Variants in VAMP7 observed in about 807,000 individuals in gnomAD.
VAMP7 encodes vesicle associated membrane protein 7, also known as vesicle-associated membrane protein 7.
In VAMP7, 14 loss-of-function variants were observed where a neutral mutation model predicts 29.6. That is an observed-to-expected ratio of 0.47 (90% confidence interval 0.31 to 0.74). The LOEUF (loss-of-function observed/expected upper bound fraction) is 0.74, where lower values mean the gene tolerates loss of function less well. Ranked by LOEUF, VAMP7 falls within the 30% of genes least tolerant of loss-of-function variation. The pLI, the probability that VAMP7 is intolerant of heterozygous loss-of-function variation, is 0.05. For missense variants in VAMP7, 223 were observed against 262.4 expected, an observed-to-expected ratio of 0.85 and a Z score of 1.04; for synonymous variants, 95 against 88.1, an observed-to-expected ratio of 1.08 and a Z score of -0.44.
At chrX:155,936,733 T>G (rs1428461006) in intron 6 of VAMP7, among the ~76,000 whole-genome samples, 3 of 152,170 alleles carry the variant, frequency 2.0e-5, no homozygotes, top group Non-Finnish European at 2.9e-5. Context: ...ATGAAGCCGG[T>G]ATCTCAGTTG....
At chrX:155,924,479 C>T (rs1479345680) in intron 6 of VAMP7, among the ~76,000 whole-genome samples, 5 of 152,132 alleles carry the variant, frequency 3.3e-5, no homozygotes, top group Non-Finnish European at 5.9e-5. Context: ...CCCCTGGTAA[C>T]TCTAATCTAC....
chrX:155,925,522 G>T (rs2066455238), intron 6 of VAMP7, among the ~76,000 whole-genome samples: 1 of 152,176 alleles, frequency 6.6e-6, no homozygotes, highest in Non-Finnish European at 1.5e-5. Context: ...CTGACAACAT[G>T]TGCCCAAGGT....
chrX:155,920,766 G>A (rs1037206346), intron 6 of VAMP7, among the ~76,000 whole-genome samples: 1 of 152,164 alleles, frequency 6.6e-6, no homozygotes, highest in African/African-American at 2.4e-5. Context: ...ATCAGATAAT[G>A]CATGTAAAGT....
intron 5 of VAMP7, among the ~76,000 whole-genome samples, chrX:155,918,858 T>G (rs1371017339): frequency 6.6e-6 from 1 of 152,210 alleles, no homozygotes; most frequent in Non-Finnish European, 1.5e-5. Flanking sequence ...TTATTCTCTA[T>G]TCTATTGATG....
At chrX:155,911,153 T>G (rs2066231783) in intron 5 of VAMP7, among the ~76,000 whole-genome samples, 1 of 152,204 alleles carries the variant, frequency 6.6e-6, no homozygotes, top group African/African-American at 2.4e-5. Flanking sequence ...CTTCCACATA[T>G]GGATATCCAG....
chrX:155,889,458 A>G lies in VAMP7; in HGVS notation c.-9A>G. 6.2e-7 allele frequency: 1 copy of G among 1,612,698 alleles called. No individual in the cohort carries two copies. The highest frequency in any genetic ancestry group is 8.5e-7 in the Non-Finnish European group (1 of 1,179,392). Reference sequence around the variant, plus strand: ...ATCTGTGTCTTTTTCCTTTTGATAGACTGAAGCCATGGCGATTCTTTTTGC... The same window carrying G: ...ATCTGTGTCTTTTTCCTTTTGATAGGCTGAAGCCATGGCGATTCTTTTTGC... On this transcript the variant is annotated splice_region_variant and 5_prime_UTR_variant, in exon 2 of 8. Coordinates refer to ENST00000286448, the MANE Select transcript of VAMP7 (RefSeq NM_005638.6).
At chrX:155,884,532 T>G (rs2065843864) in intron 1 of VAMP7, among the ~76,000 whole-genome samples, 1 of 152,162 alleles carries the variant, frequency 6.6e-6, no homozygotes, top group Non-Finnish European at 1.5e-5. Context: ...AGTACAAGAG[T>G]GCTTGAGTCA....
rs960698961 is a variant in VAMP7 at position 155,943,117 on chromosome X, T to C, written c.*1166T>C. 2 of 148,966 alleles carry C rather than the reference T, an allele frequency of 1.3e-5. No individual in the cohort carries two copies. The highest frequency in any genetic ancestry group is 5.0e-5 in the African/African-American group (2 of 40,076). The allele number at this position is 148,966 out of a possible 1,614,324, so 9.2% of individuals were successfully genotyped here. On this transcript the variant is annotated 3_prime_UTR_variant, in exon 8 of 8. Coordinates refer to ENST00000286448, the MANE Select transcript of VAMP7 (RefSeq NM_005638.6). ...GAAAATTGGACTGTAATCATATCGC[T>C]ACTGGCATCTGTTATCTAGTATGCA... is the stretch of plus-strand genomic sequence containing the variant.
intron 6 of VAMP7, among the ~76,000 whole-genome samples, chrX:155,935,897 T>A (rs770681442): frequency 6.6e-6 from 1 of 152,296 alleles, no homozygotes; most frequent in South Asian, 2.1e-4. Context: ...GTCCTTTCTG[T>A]TTGTTAGTTT....
intron 6 of VAMP7, among the ~76,000 whole-genome samples, chrX:155,927,287 A>G (rs1388164518): frequency 1.3e-5 from 2 of 151,794 alleles, no homozygotes; most frequent in African/African-American, 2.4e-5. Context: ...GTTGATGGGT[A>G]CAGCAAACCA....
intron 2 of VAMP7, among the ~76,000 whole-genome samples, chrX:155,893,257 T>C (rs1157486138): frequency 1.3e-5 from 2 of 152,054 alleles, no homozygotes; most frequent in African/African-American, 4.8e-5. Context: ...GTATGTCCAG[T>C]TGGATATGTC....
intron 5 of VAMP7, among the ~76,000 whole-genome samples, chrX:155,902,375 G>A (rs1184734112): frequency 2.0e-5 from 3 of 150,410 alleles, no homozygotes; most frequent in African/African-American, 4.9e-5. Flanking sequence ...TCTCCTGCCT[G>A]ATTGCCCTGG....
chrX:155,915,168 C>G (rs1204398832), intron 5 of VAMP7, among the ~76,000 whole-genome samples: 1 of 152,136 alleles, frequency 6.6e-6, no homozygotes, highest in Non-Finnish European at 1.5e-5. Flanking sequence ...TTATAGTATT[C>G]TCTGATGGTA....
intron 3 of VAMP7, 108 bp downstream of exon 3, chrX:155,895,788 C>G (rs1312887183): frequency 3.5e-6 from 3 of 862,380 alleles, no homozygotes; most frequent in African/African-American, 3.3e-5. Context: ...CAGACCGGTA[C>G]AGGTCTGTGG....
intron 5 of VAMP7, among the ~76,000 whole-genome samples, chrX:155,918,075 G>A (rs1311720509): frequency 1.3e-5 from 2 of 152,060 alleles, no homozygotes; most frequent in Non-Finnish European, 2.9e-5. Flanking sequence ...GCTCTCCCCG[G>A]TTCAAACTTC....
Position 155,942,935 on chromosome X carries a change from C to G in VAMP7, c.*984C>G, listed in dbSNP as rs1463890478. The G allele has an allele frequency of 2.6e-5, 4 of 151,722 alleles. No individual in the cohort carries two copies. Among genetic ancestry groups the G allele is most frequent in the Non-Finnish European group, 5.9e-5 (4 of 67,958 alleles). The allele number at this position is 151,722 out of a possible 1,614,324, so 9.4% of individuals were successfully genotyped here. A position where few individuals can be genotyped will look rare whatever the true frequency, so the allele number is the denominator to read the frequency against. On this transcript the variant is annotated 3_prime_UTR_variant, in exon 8 of 8. Transcript: ENST00000286448. Reference sequence around the variant, plus strand: ...TCAACTCCAGGGTTTGGGCTTGATTCCTGTTGAATAATAGTTTTGAGCATT... The same window carrying G: ...TCAACTCCAGGGTTTGGGCTTGATTGCTGTTGAATAATAGTTTTGAGCATT...
intron 2 of VAMP7, 121 bp downstream of exon 2, chrX:155,889,733 G>A: frequency 8.6e-7 from 1 of 1,164,396 alleles, no homozygotes; most frequent in East Asian, 2.6e-5. Context: ...TGACAGAATA[G>A]TAACCTTCAC....
chrX:155,933,344 T>C lies in VAMP7; in HGVS notation c.502-6357T>C, dbSNP rs992929171. On this transcript the variant is annotated intron_variant, in intron 6 of 7. Coordinates refer to ENST00000286448, the MANE Select transcript of VAMP7 (RefSeq NM_005638.6). ...AATCCATCTGGTCCTGGACTTTTTT[T>C]GGTTGGTAAGCTATTAATTATTGCC... Among the ~76,000 whole-genome samples the C allele has an allele frequency of 5.9e-5, 9 of 152,326 alleles. No homozygotes were observed. In the South Asian group the frequency reaches 6.2e-4, roughly 11 times the overall value.
At position 155,898,136 on chromosome X, in the gene VAMP7, A is replaced by T; in HGVS notation, c.229A>T (p.Asn77Tyr). The change falls in exon 4 of 8, where the codon AAT becomes TAT. Residue 77 changes from asparagine to tyrosine, a missense_variant. Physicochemically the swap from Asn to Tyr is moderately radical, Grantham distance 143 (BLOSUM62 -2). Transcript: ENST00000286448. ...DDDFERSRAF[N>Y]FLNEIKKRFQ... ...GGATTTTGAACGTTCCCGAGCCTTTAATTTTCTGAATGAGATAAAGAAGAG... is the reference window on the plus strand; with the variant it reads ...GGATTTTGAACGTTCCCGAGCCTTTTATTTTCTGAATGAGATAAAGAAGAG... 1 of 1,613,408 alleles carries T rather than the reference A, an allele frequency of 6.2e-7. No homozygotes were observed. Among genetic ancestry groups the T allele is most frequent in the Non-Finnish European group, 8.5e-7 (1 of 1,179,548 alleles).
Sources: allele counts gnomAD v4.1 joint callset (sites outside exome capture counted in the v4.1 genomes callset), GRCh38; gene constraint gnomAD v4.1.1; transcripts MANE v1.5; gene names NCBI Gene and HGNC (gene_info 2026-07-23, HGNC 2026-07-21).